The following PCTP variants were observed in gnomAD, a reference collection of about 807,000 sequenced individuals.
PCTP encodes the protein phosphatidylcholine transfer protein, also known as START domain-containing protein 2.
PCTP carries 27 observed loss-of-function variants against 31.0 expected under a neutral mutation model. That is an observed-to-expected ratio of 0.87 (90% confidence interval 0.64 to 1.20). The LOEUF (loss-of-function observed/expected upper bound fraction) is 1.20. PCTP is among the 50% of genes most tolerant of loss of function. PCTP has a pLI of 0.00. For missense variants in PCTP, 287 were observed against 268.2 expected, an observed-to-expected ratio of 1.07 and a Z score of -0.49; for synonymous variants, 108 against 101.2, an observed-to-expected ratio of 1.07 and a Z score of -0.40.
At chr17:55,763,454 A>AG (rs1222036370) in intron 1 of PCTP, among the ~76,000 whole-genome samples, 14 of 152,110 alleles carry the variant, frequency 9.2e-5, no homozygotes, top group Non-Finnish European at 2.1e-4. Flanking sequence ...TAAAAAAAAA[A>AG]ATAGAATTAT....
intron 5 of PCTP, among the ~76,000 whole-genome samples, chr17:55,833,968 A>G (rs1240140112): frequency 6.6e-6 from 1 of 152,218 alleles, no homozygotes. Flanking sequence ...GAGTATATTT[A>G]TAACATATTT....
intron 3 of PCTP, among the ~76,000 whole-genome samples, chr17:55,800,579 AT>A (rs1392370394): frequency 6.6e-6 from 1 of 152,012 alleles, no homozygotes; most frequent in African/African-American, 2.4e-5. Context: ...ACTTCTGTAA[AT>A]TCATCAAACT....
chr17:55,754,523 T>C (rs940645457), intron 1 of PCTP, among the ~76,000 whole-genome samples: 2 of 152,196 alleles, frequency 1.3e-5, no homozygotes, highest in African/African-American at 4.8e-5. Flanking sequence ...AACCCCCTCC[T>C]CTTGGGTCCT....
At chr17:55,773,633 G>T in intron 3 of PCTP, 91 bp from the exon 4 acceptor site, 1 of 1,287,360 alleles carries the variant, frequency 7.8e-7, no homozygotes. Context: ...GGGAGGCACA[G>T]AATCACCTCC....
At chr17:55,785,551 C>G (rs948338442) in intron 2 of PCTP, among the ~76,000 whole-genome samples, 2 of 152,224 alleles carry the variant, frequency 1.3e-5, no homozygotes, top group African/African-American at 4.8e-5. Flanking sequence ...AGATCTTGCT[C>G]AAATGTTTTC....
chr17:55,797,608 T>C (rs1424145318), intron 3 of PCTP, among the ~76,000 whole-genome samples: 3 of 152,034 alleles, frequency 2.0e-5, no homozygotes, highest in Admixed American at 1.3e-4. Flanking sequence ...ATGTTAGTCC[T>C]GACTCACACT....
intron 5 of PCTP, among the ~76,000 whole-genome samples, chr17:55,841,574 C>T (rs779688047): frequency 1.3e-5 from 2 of 152,090 alleles, no homozygotes; most frequent in Non-Finnish European, 2.9e-5. Flanking sequence ...CTCTTTAATG[C>T]CACGGTCTGT....
chr17:55,768,062 G>T (rs1285700432), intron 2 of PCTP, among the ~76,000 whole-genome samples: 6 of 144,784 alleles, frequency 4.1e-5, no homozygotes, highest in Non-Finnish European at 9.0e-5. Context: ...CTTCAGCAGG[G>T]ACAACAGAGG....
intron 3 of PCTP, among the ~76,000 whole-genome samples, chr17:55,805,710 A>G (rs1912554531): frequency 6.6e-6 from 1 of 152,172 alleles, no homozygotes; most frequent in African/African-American, 2.4e-5. Context: ...GATCTACACA[A>G]TACCATTTAA....
chr17:55,797,205 G>T (rs1045064095), intron 3 of PCTP, among the ~76,000 whole-genome samples: 2 of 151,982 alleles, frequency 1.3e-5, no homozygotes, highest in Non-Finnish European at 2.9e-5. Context: ...CAGCTATCCT[G>T]CAGAGAATAA....
At chr17:55,822,461 C>T (rs1486641468) in intron 3 of PCTP, among the ~76,000 whole-genome samples, 1 of 152,108 alleles carries the variant, frequency 6.6e-6, no homozygotes, top group Non-Finnish European at 1.5e-5. Flanking sequence ...GGCATGGTTA[C>T]CCTTTTGTGG....
At chr17:55,756,652 G>A (rs1443940258) in intron 1 of PCTP, among the ~76,000 whole-genome samples, 3 of 151,998 alleles carry the variant, frequency 2.0e-5, no homozygotes, top group East Asian at 3.9e-4. Flanking sequence ...CTCTACTTTC[G>A]TGTATGTTTG....
chr17:55,820,314 A>C (rs997386578), intron 3 of PCTP, among the ~76,000 whole-genome samples: 9 of 152,218 alleles, frequency 5.9e-5, no homozygotes, highest in African/African-American at 2.2e-4. Flanking sequence ...ACTGAAGAGC[A>C]GGTAATTTAT....
At position 55,775,938 on chromosome 17, in the gene PCTP, G is replaced by A. The variant is rs898194787; in HGVS notation, c.580-97G>A. 9.8e-6 allele frequency: 15 copies of A among 1,533,192 alleles called. No individual in the cohort carries two copies. In the South Asian group the frequency reaches 1.0e-4, roughly 11 times the overall value. 95.0% of individuals were successfully genotyped at this position (1,533,192 alleles called of 1,614,324 possible). A position where few individuals can be genotyped will look rare whatever the true frequency, so the allele number is the denominator to read the frequency against. On this transcript the variant is annotated intron_variant, in intron 5 of 5. Coordinates refer to ENST00000268896, the MANE Select transcript of PCTP (RefSeq NM_021213.4). Reference sequence around the variant, plus strand: ...TTAGGGAGCCTATTCATTTTTGTTCGTCCTAAAGCCAACATTGTTTACCTT... The same window carrying A: ...TTAGGGAGCCTATTCATTTTTGTTCATCCTAAAGCCAACATTGTTTACCTT...
intron 5 of PCTP, among the ~76,000 whole-genome samples, chr17:55,833,162 A>C (rs564027356): frequency 6.6e-4 from 100 of 152,298 alleles, no homozygotes; most frequent in African/African-American, 2.3e-3. Flanking sequence ...CATAGATGTG[A>C]GGATATTAGA....
intron 5 of PCTP, among the ~76,000 whole-genome samples, chr17:55,834,318 A>G (rs1905706113): frequency 6.6e-6 from 1 of 152,106 alleles, no homozygotes; most frequent in South Asian, 2.1e-4. Flanking sequence ...TAAGCCCAGC[A>G]TGCATTACCT....
At chr17:55,842,366 G>GT (rs1375073971) in intron 5 of PCTP, among the ~76,000 whole-genome samples, 4 of 152,160 alleles carry the variant, frequency 2.6e-5, no homozygotes, top group East Asian at 3.8e-4. Flanking sequence ...TAAGTTACGT[G>GT]TTTTTTCCAT....
intron 3 of PCTP, among the ~76,000 whole-genome samples, chr17:55,812,274 G>A (rs1912776811): frequency 6.6e-6 from 1 of 152,192 alleles, no homozygotes; most frequent in African/African-American, 2.4e-5. Flanking sequence ...TCTGCACTGT[G>A]TGCCAAGCAC....
intron 3 of PCTP, among the ~76,000 whole-genome samples, chr17:55,820,117 T>G (rs1913067785): frequency 6.6e-6 from 1 of 152,174 alleles, no homozygotes; most frequent in African/African-American, 2.4e-5. Flanking sequence ...CAATAATGTC[T>G]TAGATCTAGC....
Sources: allele counts gnomAD v4.1 joint callset (sites outside exome capture counted in the v4.1 genomes callset), GRCh38; gene constraint gnomAD v4.1.1; transcripts MANE v1.5; gene names NCBI Gene and HGNC (gene_info 2026-07-23, HGNC 2026-07-21).